Variants in DNAH17 observed in about 807,000 individuals in gnomAD.
DNAH17 encodes dynein axonemal heavy chain 17.
DNAH17 carries 376 observed loss-of-function variants against 485.6 expected under a neutral mutation model. That is an observed-to-expected ratio of 0.77 (90% confidence interval 0.71 to 0.84). The LOEUF is 0.84. Among genes scored for constraint, DNAH17 ranks in the 40% least tolerant of loss-of-function variants. The pLI is 0.00. For missense variants in DNAH17, 6,370 were observed against 5,839.3 expected (o/e 1.09, Z -2.96); for synonymous variants, 3,031 against 2,405.9 (o/e 1.26, Z -7.60).
intron 74 of DNAH17, among the ~76,000 whole-genome samples, chr17:78,435,813 C>T (rs1030913206): frequency 2.6e-5 from 4 of 152,222 alleles, no homozygotes; most frequent in Non-Finnish European, 4.4e-5. Context: ...GTGTACCCCA[C>T]GCACTCATCA....
At chr17:78,486,612 T>G in intron 44 of DNAH17, 106 bp from the exon 45 acceptor site, 2 of 1,379,228 alleles carry the variant, frequency 1.5e-6, no homozygotes, top group Non-Finnish European at 1.9e-6. Context: ...CTGCTGGGGC[T>G]GCCCTCAGGG....
chr17:78,567,889 TGTGCCCCTGCACCTACCAGGCACA>T lies in DNAH17; in HGVS notation c.1285-747_1285-724del, dbSNP rs2092293829. On this transcript the variant is annotated intron_variant, in intron 9 of 80. Transcript: ENST00000389840. ...CTCCAAGGCTCCCTGGATGCTCTTC[TGTGCCCCTGCACCTACCAGGCACA>T]GTGCAGGCAGAGTTTAGACTGGAGA... is the stretch of plus-strand genomic sequence containing the variant. 3.3e-5 allele frequency among the ~76,000 whole-genome samples: 5 copies of T among 152,222 alleles called. No homozygotes were observed. The South Asian group carries it at 1.0e-3, about 32-fold the overall frequency.
chr17:78,454,443 C>T (rs1312362343), intron 64 of DNAH17, 27 bp downstream of exon 64: 16 of 1,575,220 alleles, frequency 1.0e-5, no homozygotes, highest in African/African-American at 2.7e-5. Flanking sequence ...AGCCGGGCTT[C>T]GGCCCAGGTC....
intron 37 of DNAH17, among the ~76,000 whole-genome samples, chr17:78,498,248 C>A (rs572711584): frequency 1.3e-5 from 2 of 152,206 alleles, no homozygotes; most frequent in Admixed American, 1.3e-4. Flanking sequence ...GGCATTTGCA[C>A]GTCCACACCC....
chr17:78,494,713 C>T lies in DNAH17; in HGVS notation c.6150G>A (p.Ala2050=), dbSNP rs938962259. The T allele has an allele frequency of 1.3e-5, 21 of 1,613,758 alleles. No homozygotes were observed. Among genetic ancestry groups the T allele is most frequent in the South Asian group, 3.3e-5 (3 of 91,094 alleles). ...SRAEDQVLMR[A]LRDFNIPKIV... is the part of the protein sequence containing the mutation. Reference sequence around the variant, plus strand: ...TCTTGGGGATGTTGAAGTCTCTCAGCGCCCGCATGAGCACCTGGTCCTCTG... The same window carrying T: ...TCTTGGGGATGTTGAAGTCTCTCAGTGCCCGCATGAGCACCTGGTCCTCTG... The change falls in exon 40 of 81, where the codon GCG becomes GCA. Residue 2050 remains alanine (A), a synonymous_variant. Coordinates refer to ENST00000389840, the MANE Select transcript of DNAH17 (RefSeq NM_173628.4).
intron 16 of DNAH17, among the ~76,000 whole-genome samples, chr17:78,551,191 G>T (rs2091893221): frequency 6.6e-6 from 1 of 152,230 alleles, no homozygotes; most frequent in Non-Finnish European, 1.5e-5. Flanking sequence ...GAAGGAGCTT[G>T]AGTTAGAACT....
rs770834276 is a variant in DNAH17, at chr17:78,561,882, T to C, written c.1668A>G (p.Leu556=). The part of the protein sequence containing the change: ...SVMLELFDAE[L]DNAKILYDAQ... ...CATCGTACAAGATCTTAGCATTGTC[T>C]AGCTCAGCGTCAAACAGCTCCAGCA... is the stretch of plus-strand genomic sequence containing the variant. The change falls in exon 12 of 81, where the codon CTA becomes CTG. Residue 556 remains leucine, a synonymous_variant. Coordinates refer to ENST00000389840, the MANE Select transcript of DNAH17 (RefSeq NM_173628.4). The C allele has an allele frequency of 6.2e-7, 1 of 1,613,950 alleles. No homozygotes were observed. Among genetic ancestry groups the C allele is most frequent in the Admixed American group, 1.7e-5 (1 of 60,028 alleles).
intron 31 of DNAH17, among the ~76,000 whole-genome samples, chr17:78,503,999 CA>C (rs11369436): frequency 8.2e-5 from 12 of 146,758 alleles, no homozygotes; most frequent in South Asian, 4.3e-4. Flanking sequence ...AACAAATGAA[CA>C]AAAAAAAAAC....
At chr17:78,547,353 G>A (rs1057211662) in intron 16 of DNAH17, among the ~76,000 whole-genome samples, 7 of 152,112 alleles carry the variant, frequency 4.6e-5, no homozygotes, top group African/African-American at 1.7e-4. Flanking sequence ...TCTCAAGACT[G>A]GCCATTTTTA....
At chr17:78,559,747 T>TCTGTGGTCCATGGGGCCCTTC (rs2092111025) in intron 13 of DNAH17, among the ~76,000 whole-genome samples, 1 of 152,130 alleles carries the variant, frequency 6.6e-6, no homozygotes, top group African/African-American at 2.4e-5. Context: ...TCCAAGTCCC[T>TCTGTGGTCCATGGGGCCCTTC]CTGTGGTCCA....
At chr17:78,447,841 G>A (rs1024398995) in intron 69 of DNAH17, among the ~76,000 whole-genome samples, 1 of 152,186 alleles carries the variant, frequency 6.6e-6, no homozygotes, top group Non-Finnish European at 1.5e-5. Flanking sequence ...TGCCCAGCCT[G>A]GGCAATGTAG....
chr17:78,566,926 A>G, intron 10 of DNAH17, 73 bp downstream of exon 10: 3 of 1,514,542 alleles, frequency 2.0e-6, no homozygotes, highest in Non-Finnish European at 2.7e-6. Context: ...CTCCCATCAC[A>G]CCCCTAAGCT....
chr17:78,488,603 C>G (rs550250388), intron 44 of DNAH17, among the ~76,000 whole-genome samples: 15 of 152,246 alleles, frequency 9.9e-5, no homozygotes, highest in African/African-American at 2.6e-4. Flanking sequence ...TTTGCCTACC[C>G]TGAAAACTCC....
Position 78,494,075 on chromosome 17 carries a change from G to A in DNAH17, c.6369C>T (p.Ser2123=), listed in dbSNP as rs761397602. 6.6e-5 allele frequency: 107 copies of A among 1,612,632 alleles called. No individual in the cohort carries two copies. Among genetic ancestry groups the A allele is most frequent in the Admixed American group, 3.8e-4 (23 of 59,940 alleles). The stretch of plus-strand genomic sequence containing the variant: ...TGCCCGCATTCCCGACGATGAACAC[G>A]GAGTGGCGGACCTGCAGCAGCTCCT... ...QLEELLQVRH[S]VFIVGNAGSG... Residue 2123 remains serine, a synonymous_variant, in exon 41 of 81, where the codon TCC becomes TCT. Coordinates refer to ENST00000389840, the MANE Select transcript of DNAH17 (RefSeq NM_173628.4).
chr17:78,505,524 G>A, intron 30 of DNAH17, 79 bp from the exon 31 acceptor site: 3 of 1,581,268 alleles, frequency 1.9e-6, no homozygotes, highest in Non-Finnish European at 2.6e-6. Flanking sequence ...TCCGTGGGTG[G>A]TTTTAGGCAT....
intron 37 of DNAH17, among the ~76,000 whole-genome samples, chr17:78,496,325 C>CTG (rs1348503313): frequency 6.6e-6 from 1 of 150,896 alleles, no homozygotes; most frequent in Non-Finnish European, 1.5e-5. Flanking sequence ...TAGCAAGACC[C>CTG]TGTCTCAATA....
intron 13 of DNAH17, among the ~76,000 whole-genome samples, chr17:78,560,091 C>T (rs1488832860): frequency 6.6e-6 from 1 of 152,116 alleles, no homozygotes; most frequent in Non-Finnish European, 1.5e-5. Context: ...CTCGTGAATG[C>T]TAGCTGATCA....
At position 78,466,640 on chromosome 17, in the gene DNAH17, G is replaced by A; in HGVS notation, c.8940+15C>T. The A allele has an allele frequency of 6.3e-7, 1 of 1,598,434 alleles. No individual in the cohort carries two copies. Among genetic ancestry groups the A allele is most frequent in the Non-Finnish European group, 8.5e-7 (1 of 1,172,502 alleles). On this transcript the variant is annotated intron_variant, in intron 56 of 80. Transcript: ENST00000389840. The stretch of plus-strand genomic sequence containing the variant: ...TGGGCTCTACACTCAGGCAGAGGTG[G>A]CCTCAGTGACTCACCGGAATCCCCT...
Position 78,571,733 on chromosome 17 carries a change from T to C in DNAH17, c.589A>G (p.Ile197Val). 6.2e-7 allele frequency: 1 copy of C among 1,612,174 alleles called. No individual in the cohort carries two copies. Among genetic ancestry groups the C allele is most frequent in the South Asian group, 1.1e-5 (1 of 90,862 alleles). The change falls in exon 4 of 81, where the codon ATC (isoleucine) becomes GTC (valine). Residue 197 changes from isoleucine to valine, a missense_variant. By Grantham distance (29) the Ile-to-Val change is conservative. Transcript: ENST00000389840. ...CGGATCTGGTGGGACCAGTCGATGATGGTGGTTTCAATGGCGTGCAGGAGC... is the reference window on the plus strand; with the variant it reads ...CGGATCTGGTGGGACCAGTCGATGACGGTGGTTTCAATGGCGTGCAGGAGC... ...NLLLHAIETTIIDWSHQIRDV... is the reference protein window; with the variant it reads ...NLLLHAIETTVIDWSHQIRDV...
Sources: gnomAD v4.1 joint callset for allele counts (sites outside exome capture counted in the v4.1 genomes callset) on GRCh38, gnomAD v4.1.1 for gene constraint, MANE v1.5 for transcripts, NCBI Gene and HGNC (gene_info 2026-07-23, HGNC 2026-07-21) for gene names.